Variants in UVRAG observed in about 807,000 individuals in gnomAD.
UVRAG encodes UV radiation resistance associated.
In UVRAG, 19 loss-of-function variants were observed where a neutral mutation model predicts 78.0. The observed-to-expected ratio is 0.24, with a 90% confidence interval of 0.17 to 0.36. UVRAG has a LOEUF of 0.36. UVRAG is among the 10% of genes least tolerant of loss of function. UVRAG has a pLI of 1.00. For synonymous variants in UVRAG, 323 were observed against 324.6 expected (o/e 1.00, Z 0.05); for missense variants, 740 against 853.8 (o/e 0.87, Z 1.66).
At chr11:75,862,898 A>C (rs544133361) in intron 3 of UVRAG, among the ~76,000 whole-genome samples, 2 of 152,358 alleles carry the variant, frequency 1.3e-5, no homozygotes, top group Non-Finnish European at 2.9e-5. Context: ...ATAGATGCTC[A>C]GTAACTACTT....
At chr11:76,024,750 T>C (rs1288651028) in intron 12 of UVRAG, among the ~76,000 whole-genome samples, 1 of 152,202 alleles carries the variant, frequency 6.6e-6, no homozygotes, top group Non-Finnish European at 1.5e-5. Context: ...GAAATATGTT[T>C]AGTGATTATG....
At chr11:76,008,235 A>G (rs1456286718) in intron 10 of UVRAG, among the ~76,000 whole-genome samples, 3 of 152,064 alleles carry the variant, frequency 2.0e-5, no homozygotes, top group Non-Finnish European at 4.4e-5. Flanking sequence ...TGACATACAC[A>G]TGCAAATATA....
At chr11:76,031,568 C>T (rs957223243) in intron 12 of UVRAG, among the ~76,000 whole-genome samples, 1 of 152,080 alleles carries the variant, frequency 6.6e-6, no homozygotes, top group South Asian at 2.1e-4. Flanking sequence ...CTTTCTGTAA[C>T]CAACTAAATT....
chr11:75,838,096 C>A (rs1275645681), intron 1 of UVRAG, among the ~76,000 whole-genome samples: 3 of 152,004 alleles, frequency 2.0e-5, no homozygotes, highest in Admixed American at 6.6e-5. Flanking sequence ...TAAAAAAAAA[C>A]CCTACAAACT....
intron 6 of UVRAG, among the ~76,000 whole-genome samples, chr11:75,921,679 A>G (rs1432711682): frequency 6.6e-6 from 1 of 151,594 alleles, no homozygotes; most frequent in East Asian, 1.9e-4. Context: ...ATTTAATACA[A>G]ATTGCAATTT....
chr11:76,063,425 T>C (rs1479924272), intron 12 of UVRAG, among the ~76,000 whole-genome samples: 2 of 152,220 alleles, frequency 1.3e-5, no homozygotes, highest in Non-Finnish European at 2.9e-5. Context: ...CTTCACCACC[T>C]GTTGTTAGTT....
At chr11:76,037,996 G>T (rs1950569933) in intron 12 of UVRAG, among the ~76,000 whole-genome samples, 1 of 151,682 alleles carries the variant, frequency 6.6e-6, no homozygotes, top group Admixed American at 6.6e-5. Context: ...TAAAAATACA[G>T]ATTTTTTTTT....
At chr11:76,106,586 T>G (rs919741009) in intron 13 of UVRAG, among the ~76,000 whole-genome samples, 5 of 152,134 alleles carry the variant, frequency 3.3e-5, no homozygotes, top group African/African-American at 1.2e-4. Flanking sequence ...CAGGCTGGTC[T>G]CGAACTCCTG....
chr11:75,880,324 C>T (rs1304104550), intron 4 of UVRAG, among the ~76,000 whole-genome samples: 1 of 152,206 alleles, frequency 6.6e-6, no homozygotes. Context: ...AATGTGCTTT[C>T]TCATAGCATT....
At chr11:76,061,188 C>G (rs1280583956) in intron 12 of UVRAG, among the ~76,000 whole-genome samples, 1 of 152,178 alleles carries the variant, frequency 6.6e-6, no homozygotes. Flanking sequence ...CTGTATCTAG[C>G]TACTCTGGTG....
intron 6 of UVRAG, among the ~76,000 whole-genome samples, chr11:75,957,792 T>G (rs1948830045): frequency 6.6e-6 from 1 of 152,198 alleles, no homozygotes; most frequent in East Asian, 1.9e-4. Flanking sequence ...ATGCTGTCAT[T>G]AAAGTATTAT....
At chr11:75,959,475 G>T (rs1185004206) in intron 6 of UVRAG, among the ~76,000 whole-genome samples, 1 of 152,148 alleles carries the variant, frequency 6.6e-6, no homozygotes, top group Non-Finnish European at 1.5e-5. Context: ...CTTTTCTTCT[G>T]CAGCTTCCTT....
At chr11:76,122,540 G>A (rs1220510015) in intron 14 of UVRAG, among the ~76,000 whole-genome samples, 3 of 152,064 alleles carry the variant, frequency 2.0e-5, no homozygotes, top group Non-Finnish European at 2.9e-5. Context: ...ATAAATAAGC[G>A]GTAGCTTTTA....
chr11:76,015,532 A>G (rs1950130208), intron 11 of UVRAG, among the ~76,000 whole-genome samples: 1 of 152,140 alleles, frequency 6.6e-6, no homozygotes, highest in Non-Finnish European at 1.5e-5. Context: ...GGTGTTTAAC[A>G]TTGTTAGTGA....
At chr11:75,945,541 G>A (rs1052076001) in intron 6 of UVRAG, among the ~76,000 whole-genome samples, 4 of 152,012 alleles carry the variant, frequency 2.6e-5, no homozygotes, top group Non-Finnish European at 5.9e-5. Context: ...TGAATTTGTG[G>A]GTCTGTTTTG....
intron 3 of UVRAG, among the ~76,000 whole-genome samples, chr11:75,875,568 T>C (rs1174053108): frequency 6.6e-6 from 1 of 152,066 alleles, no homozygotes; most frequent in African/African-American, 2.4e-5. Context: ...CTGGACTGCT[T>C]GCTAAATGCG....
chr11:75,907,397 G>GT (rs11390124), intron 5 of UVRAG, among the ~76,000 whole-genome samples: 19,426 of 150,194 alleles, frequency 0.13, 2,698 homozygotes, highest in African/African-American at 0.35. Flanking sequence ...TTCCTAGTTT[G>GT]TGATTTTTTT....
At chr11:75,841,841 A>G (rs1352877326) in intron 1 of UVRAG, among the ~76,000 whole-genome samples, 2 of 152,216 alleles carry the variant, frequency 1.3e-5, no homozygotes, top group African/African-American at 2.4e-5. Context: ...TTAATTATCT[A>G]TTACTCCATA....
intron 12 of UVRAG, among the ~76,000 whole-genome samples, chr11:76,062,706 C>T (rs1951117114): frequency 1.3e-5 from 2 of 152,150 alleles, no homozygotes; most frequent in East Asian, 1.9e-4. Flanking sequence ...AATACTGAAG[C>T]CATGTCTCTT....
Sources: allele counts gnomAD v4.1 joint callset (sites outside exome capture counted in the v4.1 genomes callset), GRCh38; gene constraint gnomAD v4.1.1; transcripts MANE v1.5; gene names NCBI Gene and HGNC (gene_info 2026-07-23, HGNC 2026-07-21).